ABL1: variants seen among roughly 807,000 people sequenced by gnomAD.
ABL1 encodes ABL proto-oncogene 1, non-receptor tyrosine kinase.
ABL1 carries 11 observed loss-of-function variants against 94.7 expected under a neutral mutation model. That is an observed-to-expected ratio of 0.12 (90% CI 0.07 to 0.19). ABL1 has a LOEUF of 0.19. Ranked by LOEUF, ABL1 falls within the 10% of genes least tolerant of loss-of-function variation. The pLI, the probability that ABL1 is intolerant of heterozygous loss-of-function variation, is 1.00. For synonymous variants in ABL1, 656 were observed against 622.4 expected (o/e 1.05, Z -0.80); for missense variants, 1,082 against 1,489.4 (o/e 0.73, Z 4.50).
At chr9:130,744,363 G>A (rs1297214558) in intron 1 of ABL1, among the ~76,000 whole-genome samples, 6 of 150,986 alleles carry the variant, frequency 4.0e-5, no homozygotes, top group South Asian at 2.1e-4. Context: ...GGATGGTCTC[G>A]ATCTCTTGAC....
In ABL1 at chr9:130,885,852, C is replaced by T. The variant is rs180974703; in HGVS notation, c.*169C>T. 6.5e-5 allele frequency: 56 copies of T among 856,762 alleles called. No individual in the cohort carries two copies. The South Asian group carries it at 9.1e-4, about 14-fold the overall frequency. The allele number at this position is 856,762 out of a possible 1,614,324, so 53.1% of individuals were successfully genotyped here. A position where few individuals can be genotyped will look rare whatever the true frequency, so the allele number is the denominator to read the frequency against. Reference sequence around the variant, plus strand: ...CTGTGGAGTCCAGCTCTACTACCTACGTTTGCACCGCCTGCCCTCCCGCAC... The same window carrying T: ...CTGTGGAGTCCAGCTCTACTACCTATGTTTGCACCGCCTGCCCTCCCGCAC... On this transcript the variant is annotated 3_prime_UTR_variant, in exon 11 of 11. Transcript: ENST00000318560.
chr9:130,878,637 T>TGTA (rs1831393446), intron 8 of ABL1, 70 bp downstream of exon 8: 2 of 1,554,022 alleles, frequency 1.3e-6, no homozygotes, highest in Non-Finnish European at 1.7e-6. Flanking sequence ...TGCAGGAGTG[T>TGTA]GTACACAAAG....
exon 1 of ABL1, among the ~76,000 whole-genome samples, chr9:130,713,175 C>T (rs930602004): frequency 1.1e-4 from 17 of 152,262 alleles, no homozygotes; most frequent in African/African-American, 4.1e-4. Flanking sequence ...CGGCTGGGTC[C>T]CTCGGCGGAG....
intron 1 of ABL1, among the ~76,000 whole-genome samples, chr9:130,846,059 C>T (rs928955506): frequency 6.6e-6 from 1 of 150,634 alleles, no homozygotes; most frequent in African/African-American, 2.5e-5. Context: ...AACACAAAGG[C>T]TGTGTTCAGT....
chr9:130,792,345 G>C (rs1404264703), intron 1 of ABL1, among the ~76,000 whole-genome samples: 1 of 152,154 alleles, frequency 6.6e-6, no homozygotes, highest in Non-Finnish European at 1.5e-5. Flanking sequence ...TCACATGGTA[G>C]CTCGCATGGT....
intron 8 of ABL1, among the ~76,000 whole-genome samples, chr9:130,879,318 G>A (rs892985887): frequency 1.3e-5 from 2 of 151,978 alleles, no homozygotes; most frequent in African/African-American, 2.4e-5. Flanking sequence ...GTCTTTCCAC[G>A]TCCATATATT....
At chr9:130,758,861 A>G (rs761249535) in intron 1 of ABL1, among the ~76,000 whole-genome samples, 1 of 152,078 alleles carries the variant, frequency 6.6e-6, no homozygotes, top group Non-Finnish European at 1.5e-5. Context: ...CATCTCATCG[A>G]TTTGCTGAGC....
chr9:130,885,568 A>G lies in ABL1; in HGVS notation c.3278A>G (p.Asn1093Ser). 1 of 1,613,992 alleles carries G rather than the reference A, an allele frequency of 6.2e-7. No individual in the cohort carries two copies. Among genetic ancestry groups the G allele is most frequent in the East Asian group, 2.2e-5 (1 of 44,874 alleles). Residue 1093 changes from asparagine (N) to serine (S), a missense_variant, in exon 11 of 11, where the codon AAT (asparagine) becomes AGT (serine). By Grantham distance (46) the Asn-to-Ser change is conservative (BLOSUM62 1). This residue lies in a region of ABL1 where 780 missense variants were observed against 835.8 expected (regional missense o/e 0.93). Coordinates refer to ENST00000318560, the MANE Select transcript of ABL1 (RefSeq NM_005157.6). Reference sequence around the variant, plus strand: ...GAGGCCATCAACAAACTGGAGAATAATCTCCGGGAGCTTCAGATCTGCCCG... The same window carrying G: ...GAGGCCATCAACAAACTGGAGAATAGTCTCCGGGAGCTTCAGATCTGCCCG... ...FREAINKLEN[N>S]LRELQICPAT...
At chr9:130,836,127 A>G (rs1830579022) in intron 1 of ABL1, among the ~76,000 whole-genome samples, 3 of 152,136 alleles carry the variant, frequency 2.0e-5, no homozygotes, top group African/African-American at 7.2e-5. Flanking sequence ...TCTACAGACC[A>G]CGAAGAGGTC....
chr9:130,882,898 C>T (rs749385293), intron 10 of ABL1, among the ~76,000 whole-genome samples: 3 of 152,056 alleles, frequency 2.0e-5, no homozygotes, highest in Non-Finnish European at 2.9e-5. Context: ...AACTGTTGGC[C>T]GGGCGTGGTG....
intron 7 of ABL1, among the ~76,000 whole-genome samples, chr9:130,877,559 C>T (rs963464453): frequency 3.4e-5 from 5 of 147,660 alleles, no homozygotes; most frequent in African/African-American, 1.0e-4. Context: ...AAAGACCCCA[C>T]AGGGTCTGAA....
At chr9:130,786,443 G>A (rs1829827183) in intron 1 of ABL1, among the ~76,000 whole-genome samples, 1 of 152,200 alleles carries the variant, frequency 6.6e-6, no homozygotes, top group South Asian at 2.1e-4. Flanking sequence ...CAGAATCTCA[G>A]AAAACACAGA....
At chr9:130,854,527 ATGTCT>A (rs1448395288) in intron 2 of ABL1, among the ~76,000 whole-genome samples, 39 of 152,326 alleles carry the variant, frequency 2.6e-4, no homozygotes, top group African/African-American at 7.7e-4. Context: ...TTTCCCTAAA[ATGTCT>A]TATATTAGGA....
In ABL1 at chr9:130,884,084, C is replaced by T. The variant is rs1831516657; in HGVS notation, c.1794C>T (p.Asn598=). The T allele has an allele frequency of 6.2e-7, 1 of 1,613,924 alleles. No homozygotes were observed. The highest frequency in any genetic ancestry group is 1.1e-5 in the South Asian group (1 of 91,090). ...ERLLPKDKKT[N]LFSALIKKKK... ...TTCTCCCCAAAGACAAAAAGACCAA[C>T]TTGTTCAGCGCCTTGATCAAGAAGA... Residue 598 remains asparagine (N), a synonymous_variant, in exon 11 of 11, where the codon AAC becomes AAT. Transcript: ENST00000318560. This position sits in a 1 kb window ranked among gnomAD's most constrained non-coding sequence, Gnocchi z 5.6.
exon 1 of ABL1, chr9:130,713,908 T>C (rs1831403542): frequency 8.6e-6 from 2 of 233,026 alleles, no homozygotes; most frequent in Non-Finnish European, 1.7e-5. Context: ...GGAAAAGTTC[T>C]GGAGGAGTAG....
intron 3 of ABL1, among the ~76,000 whole-genome samples, chr9:130,860,529 C>T (rs1488048762): frequency 6.6e-6 from 1 of 152,106 alleles, no homozygotes; most frequent in African/African-American, 2.4e-5. Context: ...GAACCCGATC[C>T]GCCAGTTGGG....
rs367949374 is a variant in ABL1, at chr9:130,880,174, G to T, written c.1513+17G>T. The stretch of plus-strand genomic sequence containing the variant: ...TCTCAGACGGTAAAGTACCCATCCC[G>T]GGGTACCTGCAGTGGGGTGAAAGGG... On this transcript the variant is annotated intron_variant, in intron 9 of 10. Coordinates refer to ENST00000318560, the MANE Select transcript of ABL1 (RefSeq NM_005157.6). This position sits in a 1 kb window ranked among gnomAD's most constrained non-coding sequence, Gnocchi z 4.4. 9.3e-6 allele frequency: 15 copies of T among 1,609,756 alleles called. No homozygotes were observed. Among genetic ancestry groups the T allele is most frequent in the Non-Finnish European group, 1.3e-5 (15 of 1,176,410 alleles).
At chr9:130,792,360 T>G (rs1829921386) in intron 1 of ABL1, among the ~76,000 whole-genome samples, 1 of 152,234 alleles carries the variant, frequency 6.6e-6, no homozygotes, top group Non-Finnish European at 1.5e-5. Context: ...CATGGTAACA[T>G]AAGTGAGTCT....
rs570937378 is a variant in ABL1 at position 130,841,519 on chromosome 9, A to G, written c.79+5994A>G. 2.0e-5 allele frequency among the ~76,000 whole-genome samples: 3 copies of G among 149,330 alleles called. No individual in the cohort carries two copies. The East Asian group carries it at 6.3e-4, about 31-fold the overall frequency. ...TGGGTTGAACAAGCTTGCTCTAGAA[A>G]TTGGTTTTCAGGCCGGGCGCGGTGG... On this transcript the variant is annotated intron_variant, in intron 1 of 10. Coordinates refer to ENST00000318560, the MANE Select transcript of ABL1 (RefSeq NM_005157.6).
Sources: gnomAD v4.1 joint callset for allele counts (sites outside exome capture counted in the v4.1 genomes callset) on GRCh38, gnomAD v4.1.1 for gene constraint, gnomAD v4.1.1 regional missense constraint, Gnocchi (gnomAD v3.1) non-coding constraint, MANE v1.5 for transcripts, NCBI Gene and HGNC (gene_info 2026-07-23, HGNC 2026-07-21) for gene names.